The following LRRC37A2 variants were observed in gnomAD, a reference collection of about 807,000 sequenced individuals.
LRRC37A2 encodes leucine-rich repeat-containing protein 37A2.
In LRRC37A2, 9 loss-of-function variants were observed where a neutral mutation model predicts 68.8. The observed-to-expected ratio is 0.13, with a 90% CI of 0.08 to 0.23. LRRC37A2 has a LOEUF of 0.23. LRRC37A2 is among the 10% of genes least tolerant of loss of function. The pLI is 1.00. For synonymous variants in LRRC37A2, 63 were observed against 367.6 expected (o/e 0.17, Z 9.48); for missense variants, 168 against 950.4 (o/e 0.18, Z 10.82).
chr17:46,984,721 C>T, the LRRC37A2 span, among the ~76,000 whole-genome samples: 1 of 152,222 alleles, frequency 6.6e-6, no homozygotes, highest in African/African-American at 2.4e-5. Context: ...GTATCACTTG[C>T]TGGATGGACC....
chr17:46,476,651 T>C, the LRRC37A2 span: 4 of 431,800 alleles, frequency 9.3e-6, no homozygotes, highest in African/African-American at 8.9e-5. Flanking sequence ...ACCACTGCAC[T>C]CCAGCCTGGG....
the LRRC37A2 span, among the ~76,000 whole-genome samples, chr17:47,027,909 T>C: frequency 1.3e-5 from 2 of 152,212 alleles, no homozygotes; most frequent in African/African-American, 4.8e-5. Context: ...GTGAGTGTGC[T>C]CCTGGCATCT....
the LRRC37A2 span, among the ~76,000 whole-genome samples, chr17:46,400,019 AT>A: frequency 2.5e-5 from 3 of 120,988 alleles, no homozygotes; most frequent in African/African-American, 9.6e-5. Context: ...AAATAATTTT[AT>A]TTTTTGCTGT....
chr17:46,492,689 G>GTTT, the LRRC37A2 span, among the ~76,000 whole-genome samples: 74 of 107,784 alleles, frequency 6.9e-4, no homozygotes, highest in East Asian at 1.6e-3. Flanking sequence ...GTTTTGTTTT[G>GTTT]TTTTTTTTTT....
At chr17:46,835,327 T>C in the LRRC37A2 span, among the ~76,000 whole-genome samples, 2 of 152,164 alleles carry the variant, frequency 1.3e-5, no homozygotes, top group Admixed American at 6.5e-5. Context: ...TTCTCCTGCC[T>C]CAGCCTCCCG....
chr17:46,638,717 T>C, the LRRC37A2 span, among the ~76,000 whole-genome samples: 1 of 137,892 alleles, frequency 7.3e-6, no homozygotes, highest in Non-Finnish European at 1.5e-5. Flanking sequence ...GGTTTTGCCA[T>C]GTTGGCCAGG....
the LRRC37A2 span, among the ~76,000 whole-genome samples, chr17:46,883,370 C>T: frequency 1.1e-4 from 17 of 151,474 alleles, no homozygotes; most frequent in South Asian, 2.9e-3. Flanking sequence ...CTACAACCTC[C>T]GCCTCCCGGG....
chr17:46,735,574 ATAATTCC>A, the LRRC37A2 span, among the ~76,000 whole-genome samples: 1 of 152,254 alleles, frequency 6.6e-6, no homozygotes, highest in Admixed American at 6.5e-5. Context: ...TAAAATAGAG[ATAATTCC>A]TCATGTGTTA....
chr17:46,984,890 A>G, the LRRC37A2 span, among the ~76,000 whole-genome samples: 1 of 152,198 alleles, frequency 6.6e-6, no homozygotes, highest in South Asian at 2.1e-4. Context: ...AAGTAAATAG[A>G]TGACCACTAT....
the LRRC37A2 span, among the ~76,000 whole-genome samples, chr17:47,046,265 G>A: frequency 1.6e-5 from 2 of 129,024 alleles, no homozygotes; most frequent in Admixed American, 7.9e-5. Context: ...GATCCCTTGA[G>A]CCCAGGGGGG....
chr17:46,413,481 TACACACACACAC>T, the LRRC37A2 span, among the ~76,000 whole-genome samples: 32 of 24,762 alleles, frequency 1.3e-3, 1 homozygote, highest in South Asian at 2.8e-3. Context: ...TCTCTCTCTG[TACACACACACAC>T]ACACACACAC....
the LRRC37A2 span, among the ~76,000 whole-genome samples, chr17:46,580,288 C>G: frequency 6.6e-6 from 1 of 151,732 alleles, no homozygotes; most frequent in South Asian, 2.1e-4. Context: ...TCCTCGTTTC[C>G]GAGAAATGCT....
the LRRC37A2 span, among the ~76,000 whole-genome samples, chr17:46,808,352 A>G: frequency 1.3e-5 from 2 of 152,272 alleles, no homozygotes; most frequent in African/African-American, 2.4e-5. Context: ...AATAGTATCT[A>G]TAAGCCCAAA....
the LRRC37A2 span, among the ~76,000 whole-genome samples, chr17:46,722,931 T>A: frequency 6.6e-6 from 1 of 152,142 alleles, no homozygotes; most frequent in African/African-American, 2.4e-5. Flanking sequence ...TGATAGTAAT[T>A]AGCACAGAGA....
the LRRC37A2 span, among the ~76,000 whole-genome samples, chr17:46,913,675 G>A: frequency 2.6e-5 from 4 of 152,226 alleles, no homozygotes; most frequent in East Asian, 7.7e-4. Flanking sequence ...CTGCCACGAT[G>A]AGGATATTAC....
At chr17:46,980,159 A>C in the LRRC37A2 span, among the ~76,000 whole-genome samples, 2 of 135,698 alleles carry the variant, frequency 1.5e-5, no homozygotes, top group Admixed American at 7.8e-5. Flanking sequence ...CAGATGTGGG[A>C]TGGGGCCCCA....
At chr17:46,804,894 G>A in the LRRC37A2 span, among the ~76,000 whole-genome samples, 1 of 152,022 alleles carries the variant, frequency 6.6e-6, no homozygotes, top group Non-Finnish European at 1.5e-5. Context: ...GGACAAATGA[G>A]GGAATAAAAG....
the LRRC37A2 span, among the ~76,000 whole-genome samples, chr17:46,739,512 C>G: frequency 3.3e-5 from 5 of 151,816 alleles, no homozygotes; most frequent in South Asian, 1.0e-3. Context: ...GCACTCCAGC[C>G]TGGGCAACCA....
the LRRC37A2 span, chr17:47,033,328 G>C: frequency 2.9e-6 from 2 of 700,010 alleles, no homozygotes; most frequent in Non-Finnish European, 5.2e-6. Flanking sequence ...ACGTGATGCA[G>C]TCCGAGGTCT....
Sources: allele counts gnomAD v4.1 joint callset (sites outside exome capture counted in the v4.1 genomes callset), GRCh38; gene constraint gnomAD v4.1.1; transcripts MANE v1.5; gene names NCBI Gene and HGNC (gene_info 2026-07-23, HGNC 2026-07-21).